The following LY9 variants were observed in gnomAD, a reference collection of about 807,000 sequenced individuals.
LY9 encodes the protein T-lymphocyte surface antigen Ly-9.
LY9 carries 59 observed loss-of-function variants against 64.6 expected under a neutral mutation model. The ratio of observed to expected loss-of-function variants is 0.91; its 90% CI spans 0.74 to 1.13. The LOEUF (loss-of-function observed/expected upper bound fraction) is 1.13. LY9 is among the 50% of genes most tolerant of loss of function. The pLI is 0.00. For synonymous variants in LY9, 281 were observed against 308.5 expected, an observed-to-expected ratio of 0.91 and a Z score of 0.93; for missense variants, 789 against 797.2, an observed-to-expected ratio of 0.99 and a Z score of 0.12.
At position 160,796,287 on chromosome 1, in the gene LY9, A is replaced by C. The variant is rs773952279; in HGVS notation, c.100A>C (p.Thr34Pro). The change falls in exon 1 of 10, where the codon ACC becomes CCC. Residue 34 changes from threonine (T) to proline (P), a missense_variant. Transcript: ENST00000263285. ...GCAAATATTCTCTTCTGTTCTACAG[A>C]CCTCTCTCCTCTTCCTGCTCATGGG... is the stretch of plus-strand genomic sequence containing the variant. ...QLQIFSSVLQ[T>P]SLLFLLMGLR... 1 of 1,612,092 alleles carries C rather than the reference A, an allele frequency of 6.2e-7. No homozygotes were observed. Among genetic ancestry groups the C allele is most frequent in the Non-Finnish European group, 8.5e-7 (1 of 1,179,566 alleles).
chr1:160,827,805 A>T lies in LY9; in HGVS notation c.1957A>T (p.Asn653Tyr), dbSNP rs1338262646. 1 of 1,606,600 alleles carries T rather than the reference A, an allele frequency of 6.2e-7. No homozygotes were observed. The highest frequency in any genetic ancestry group is 2.3e-5 in the East Asian group (1 of 44,038). ...LEIPESPTYENFT is the reference protein window; with the variant it reads ...LEIPESPTYEYFT ...GATTCCTGAAAGTCCTACCTATGAA[A>T]ATTTCACCTGAAAGGAAAAGCAGCT... Residue 653 changes from asparagine (N) to tyrosine (Y), a missense_variant, in exon 10 of 10, where the codon AAT becomes TAT. Transcript: ENST00000263285.
intron 5 of LY9, 60 bp from the exon 6 acceptor site, chr1:160,818,158 T>C (rs2101814455): frequency 9.2e-7 from 1 of 1,091,666 alleles, no homozygotes; most frequent in Middle Eastern, 2.0e-4. Flanking sequence ...TTCTGTGCAT[T>C]GTTTGCTCCA....
intron 9 of LY9, 58 bp downstream of exon 9, chr1:160,824,307 A>C: frequency 6.2e-7 from 1 of 1,603,640 alleles, no homozygotes; most frequent in Non-Finnish European, 8.5e-7. Flanking sequence ...ACTATTCCTT[A>C]GACCCTTTGA....
intron 8 of LY9, 101 bp from the exon 9 acceptor site, chr1:160,824,080 G>A (rs1165811475): frequency 6.8e-7 from 1 of 1,462,554 alleles, no homozygotes; most frequent in Non-Finnish European, 9.4e-7. Flanking sequence ...CTGTGTGTGA[G>A]ATGGGAAGCC....
chr1:160,826,733 G>A (rs576712500), intron 9 of LY9, among the ~76,000 whole-genome samples: 22 of 152,324 alleles, frequency 1.4e-4, no homozygotes, highest in South Asian at 4.1e-4. Flanking sequence ...GGGATGTGTG[G>A]TTTGGTTCAA....
intron 1 of LY9, among the ~76,000 whole-genome samples, chr1:160,798,206 C>A (rs942205548): frequency 6.6e-6 from 1 of 152,022 alleles, no homozygotes; most frequent in African/African-American, 2.4e-5. Context: ...AATTTGAAGT[C>A]AAAACGAGTC....
Position 160,823,568 on chromosome 1 carries a change from C to G in LY9, c.1602C>G (p.Asp534Glu). Residue 534 changes from aspartate (D) to glutamate (E), a missense_variant, in exon 8 of 10, where the codon GAC becomes GAG. Coordinates refer to ENST00000263285, the MANE Select transcript of LY9 (RefSeq NM_002348.4). ...PARQQPTPTS[D>E]SSSDSNLTTE... is the part of the protein sequence containing the mutation. Reference sequence around the variant, plus strand: ...GGCAACAGCCTACACCCACCTCAGACAGCAGCTCTGACAGCAACCTCACAA... The same window carrying G: ...GGCAACAGCCTACACCCACCTCAGAGAGCAGCTCTGACAGCAACCTCACAA... 1 of 1,614,124 alleles carries G rather than the reference C, an allele frequency of 6.2e-7. No individual in the cohort carries two copies. The highest frequency in any genetic ancestry group is 8.5e-7 in the Non-Finnish European group (1 of 1,179,938).
chr1:160,800,854 T>C (rs1352225180), intron 2 of LY9, among the ~76,000 whole-genome samples: 1 of 152,206 alleles, frequency 6.6e-6, no homozygotes, highest in East Asian at 1.9e-4. Flanking sequence ...GTTTCATCCA[T>C]GGTGCTGCAA....
At chr1:160,803,839 C>T (rs1358147771) in intron 2 of LY9, among the ~76,000 whole-genome samples, 1 of 152,156 alleles carries the variant, frequency 6.6e-6, no homozygotes, top group Non-Finnish European at 1.5e-5. Context: ...AAAACCCCAT[C>T]TCTACAAAAA....
intron 1 of LY9, among the ~76,000 whole-genome samples, chr1:160,797,953 T>C (rs1440099081): frequency 6.6e-6 from 1 of 152,118 alleles, no homozygotes; most frequent in Non-Finnish European, 1.5e-5. Flanking sequence ...GTTACGTGCA[T>C]TCTTTGGAAA....
chr1:160,796,750 A>G (rs1315579736), intron 1 of LY9, among the ~76,000 whole-genome samples: 1 of 152,196 alleles, frequency 6.6e-6, no homozygotes, highest in Non-Finnish European at 1.5e-5. Flanking sequence ...ATATTCGTGC[A>G]CTATGAAGGG....
chr1:160,822,539 C>T (rs1158552121), intron 7 of LY9, among the ~76,000 whole-genome samples: 1 of 152,160 alleles, frequency 6.6e-6, no homozygotes, highest in African/African-American at 2.4e-5. Flanking sequence ...ATGCAAGCTC[C>T]CAGCTTGCAG....
chr1:160,805,241 A>G (rs1333173945), intron 2 of LY9, among the ~76,000 whole-genome samples: 5 of 150,404 alleles, frequency 3.3e-5, no homozygotes, highest in African/African-American at 1.2e-4. Flanking sequence ...ATTTATTTCT[A>G]TAAACTTCCC....
At position 160,814,452 on chromosome 1, in the gene LY9, G is replaced by T. The variant is rs201781755; in HGVS notation, c.763G>T (p.Glu255Ter). The change falls in exon 4 of 10, where the codon GAG becomes TAG. Residue 255 changes from glutamate to a stop codon, truncating the protein, a stop_gained. Transcript: ENST00000263285. LOFTEE classifies it high-confidence loss of function. ...PGASRGGTTG[E>*]TVVGVLGEPV... Reference sequence around the variant, plus strand: ...AGCCTCCAGAGGAGGAACAACGGGGGAGACTGTGGTAGGGGTCCTGGGAGA... The same window carrying T: ...AGCCTCCAGAGGAGGAACAACGGGGTAGACTGTGGTAGGGGTCCTGGGAGA... 122 of 1,613,506 alleles carry T rather than the reference G, an allele frequency of 7.6e-5. No homozygotes were observed. The East Asian group carries it at 2.7e-3, about 36-fold the overall frequency.
intron 7 of LY9, among the ~76,000 whole-genome samples, chr1:160,822,254 A>C (rs529373402): frequency 1.3e-4 from 19 of 143,032 alleles, no homozygotes; most frequent in African/African-American, 5.8e-4. Context: ...AGGGGTGGGG[A>C]CCGGCTGCTG....
chr1:160,825,683 G>A (rs1035334069), intron 9 of LY9, among the ~76,000 whole-genome samples: 1 of 152,182 alleles, frequency 6.6e-6, no homozygotes, highest in Non-Finnish European at 1.5e-5. Flanking sequence ...GCCGAGGCAG[G>A]TGGATCACCT....
In LY9 at chr1:160,813,839, T is replaced by C. The variant is rs371256148; in HGVS notation, c.658T>C (p.Tyr220His). ...SRTPCDPDLPYICTAQNPVSQ... is the reference protein window; with the variant it reads ...SRTPCDPDLPHICTAQNPVSQ... Reference sequence around the variant, plus strand: ...AACACCATGTGACCCAGACCTGCCATACATCTGCACAGCCCAGAACCCCGT... The same window carrying C: ...AACACCATGTGACCCAGACCTGCCACACATCTGCACAGCCCAGAACCCCGT... Residue 220 changes from tyrosine (Y) to histidine (H), a missense_variant, in exon 3 of 10, where the codon TAC becomes CAC. By Grantham distance (83) the Tyr-to-His change is moderately conservative. Coordinates refer to ENST00000263285, the MANE Select transcript of LY9 (RefSeq NM_002348.4). 5 of 1,614,180 alleles carry C rather than the reference T, an allele frequency of 3.1e-6. No homozygotes were observed. The South Asian group carries it at 3.3e-5, about 11-fold the overall frequency.
At chr1:160,823,316 C>A (rs1471450607) in intron 7 of LY9, 149 bp from the exon 8 acceptor site, 3 of 570,440 alleles carry the variant, frequency 5.3e-6, no homozygotes, top group East Asian at 2.8e-5. Flanking sequence ...GTGGAATGGA[C>A]CCCCTGAGGG....
In LY9 at chr1:160,813,909, C is replaced by T. The variant is rs1442389209; in HGVS notation, c.728C>T (p.Thr243Ile). Residue 243 changes from threonine to isoleucine, a missense_variant and splice_region_variant, in exon 3 of 10, where the codon ACA (threonine) becomes ATA (isoleucine). Coordinates refer to ENST00000263285, the MANE Select transcript of LY9 (RefSeq NM_002348.4). Reference protein sequence around the residue: ...SLPVHVGQFCTDPGASRGGTT... With the variant: ...SLPVHVGQFCIDPGASRGGTT... ...CCTGTCCATGTTGGGCAGTTCTGTACAGGTAACTGGCTCCAACTTGGCCCT... is the reference window on the plus strand; with the variant it reads ...CCTGTCCATGTTGGGCAGTTCTGTATAGGTAACTGGCTCCAACTTGGCCCT... 1.2e-6 allele frequency: 2 copies of T among 1,611,476 alleles called. No individual in the cohort carries two copies. The highest frequency in any genetic ancestry group is 2.2e-5 in the South Asian group (2 of 90,860).
Sources: gnomAD v4.1 joint callset for allele counts (sites outside exome capture counted in the v4.1 genomes callset) on GRCh38, gnomAD v4.1.1 for gene constraint, MANE v1.5 for transcripts, NCBI Gene and HGNC (gene_info 2026-07-23, HGNC 2026-07-21) for gene names.